Variants in BCR observed in about 807,000 individuals in gnomAD.
BCR encodes breakpoint cluster region protein.
Under a neutral mutation model 138.6 loss-of-function variants are expected in BCR, and 58 were observed. The ratio of observed to expected loss-of-function variants is 0.42; its 90% confidence interval spans 0.34 to 0.52. The LOEUF is 0.52. Ranked by LOEUF, BCR falls within the 20% of genes least tolerant of loss-of-function variation. BCR has a pLI of 0.06. For synonymous variants in BCR, 786 were observed against 730.1 expected (o/e 1.08, Z -1.23); for missense variants, 1,599 against 1,727.2 (o/e 0.93, Z 1.32).
At chr22:23,198,869 C>T (rs1425488079) in intron 1 of BCR, among the ~76,000 whole-genome samples, 3 of 152,084 alleles carry the variant, frequency 2.0e-5, no homozygotes, top group Non-Finnish European at 4.4e-5. Context: ...CCTGTAATCC[C>T]AGCACTTTGG....
At chr22:23,308,459 C>A (rs1368319725) in intron 16 of BCR, among the ~76,000 whole-genome samples, 1 of 152,168 alleles carries the variant, frequency 6.6e-6, no homozygotes, top group Non-Finnish European at 1.5e-5. Flanking sequence ...ACGCCCACCA[C>A]CACGCCCAGC....
chr22:23,289,455 G>C, intron 12 of BCR, 62 bp from the exon 13 acceptor site: 7 of 1,396,170 alleles, frequency 5.0e-6, no homozygotes, highest in Non-Finnish European at 6.1e-6. Context: ...GGTCCAGTGG[G>C]AGGGGCCAGA....
intron 1 of BCR, among the ~76,000 whole-genome samples, chr22:23,222,929 G>C (rs2072842894): frequency 6.6e-6 from 1 of 152,146 alleles, no homozygotes; most frequent in Admixed American, 6.5e-5. Context: ...CTGGATTTGG[G>C]GAAGTTTGAG....
At chr22:23,201,123 C>T (rs987870093) in intron 1 of BCR, among the ~76,000 whole-genome samples, 1 of 152,192 alleles carries the variant, frequency 6.6e-6, no homozygotes, top group African/African-American at 2.4e-5. Context: ...CTCTGGCTGC[C>T]CATGTAGTTA....
chr22:23,202,721 T>G (rs929603482), intron 1 of BCR, among the ~76,000 whole-genome samples: 57 of 142,866 alleles, frequency 4.0e-4, no homozygotes, highest in Non-Finnish European at 6.5e-4. Flanking sequence ...ATTCAATTGT[T>G]TGTGTGTGTG....
chr22:23,200,007 G>T (rs1295341670), intron 1 of BCR, among the ~76,000 whole-genome samples: 3 of 151,580 alleles, frequency 2.0e-5, no homozygotes, highest in Admixed American at 2.0e-4. Flanking sequence ...AGAATGGCAT[G>T]AACTCGGGAG....
At chr22:23,308,750 T>C (rs2073975352) in intron 16 of BCR, among the ~76,000 whole-genome samples, 1 of 152,242 alleles carries the variant, frequency 6.6e-6, no homozygotes, top group African/African-American at 2.4e-5. Context: ...TGTGGCTTGG[T>C]CATGACAGGG....
chr22:23,277,994 G>A (rs1240691564), intron 8 of BCR, among the ~76,000 whole-genome samples: 3 of 152,234 alleles, frequency 2.0e-5, no homozygotes, highest in Non-Finnish European at 2.9e-5. Flanking sequence ...AGGATCAAAG[G>A]ATCCCGCAGG....
intron 1 of BCR, among the ~76,000 whole-genome samples, chr22:23,250,553 A>G (rs887505060): frequency 1.3e-5 from 2 of 152,198 alleles, no homozygotes; most frequent in Non-Finnish European, 2.9e-5. Flanking sequence ...CTCTGCTAGA[A>G]CATTTAGTAG....
intron 15 of BCR, among the ~76,000 whole-genome samples, chr22:23,294,456 A>C (rs899006946): frequency 2.6e-5 from 4 of 152,232 alleles, no homozygotes; most frequent in Admixed American, 2.6e-4. Flanking sequence ...CCTGGAATGC[A>C]GTGGCATGAT....
intron 1 of BCR, among the ~76,000 whole-genome samples, chr22:23,214,209 T>G (rs568055748): frequency 6.4e-4 from 97 of 152,012 alleles, no homozygotes; most frequent in Non-Finnish European, 1.0e-3. Context: ...TTGGTTTGTT[T>G]TTTTTTTTTT....
At chr22:23,292,389 A>G (rs1236569390) in intron 14 of BCR, 152 bp from the exon 15 acceptor site, 1 of 576,740 alleles carries the variant, frequency 1.7e-6, no homozygotes, top group East Asian at 3.7e-5. Context: ...ACGCCAGACC[A>G]CAATTAGGTG....
At chr22:23,221,342 T>C (rs1051639351) in intron 1 of BCR, among the ~76,000 whole-genome samples, 1 of 152,178 alleles carries the variant, frequency 6.6e-6, no homozygotes, top group Non-Finnish European at 1.5e-5. Context: ...TCAGCACCTC[T>C]GAAAGGTTTT....
chr22:23,271,327 C>G (rs1270412794), intron 5 of BCR, among the ~76,000 whole-genome samples: 1 of 152,238 alleles, frequency 6.6e-6, no homozygotes, highest in African/African-American at 2.4e-5. Flanking sequence ...AAGCCCTGTC[C>G]CAGGTGGACC....
chr22:23,250,183 G>A (rs1171555088), intron 1 of BCR, among the ~76,000 whole-genome samples: 14 of 152,204 alleles, frequency 9.2e-5, no homozygotes, highest in Admixed American at 6.5e-4. Flanking sequence ...ATCTGACCCC[G>A]AAGTTCTTGC....
At chr22:23,185,797 C>CG (rs1406874957) in intron 1 of BCR, among the ~76,000 whole-genome samples, 5 of 151,262 alleles carry the variant, frequency 3.3e-5, no homozygotes, top group African/African-American at 1.2e-4. Context: ...CCAGCGATCT[C>CG]GGCTCACTGC....
intron 1 of BCR, among the ~76,000 whole-genome samples, chr22:23,206,838 C>T (rs1235668722): frequency 6.6e-6 from 1 of 152,106 alleles, no homozygotes; most frequent in Non-Finnish European, 1.5e-5. Context: ...ATCTATTTAT[C>T]TATCCACCCA....
chr22:23,298,877 C>T (rs777001374), intron 16 of BCR, among the ~76,000 whole-genome samples: 2 of 152,194 alleles, frequency 1.3e-5, no homozygotes. Flanking sequence ...GGATTATAGG[C>T]GTGAGCTACT....
At chr22:23,308,138 G>C (rs1444784485) in intron 16 of BCR, among the ~76,000 whole-genome samples, 1 of 150,892 alleles carries the variant, frequency 6.6e-6, no homozygotes, top group Non-Finnish European at 1.5e-5. Flanking sequence ...TGAATCAAGG[G>C]ATGGAAACAC....
Sources: allele counts gnomAD v4.1 joint callset (sites outside exome capture counted in the v4.1 genomes callset), GRCh38; gene constraint gnomAD v4.1.1; transcripts MANE v1.5; gene names NCBI Gene and HGNC (gene_info 2026-07-23, HGNC 2026-07-21).